SEMA6D: variants seen among roughly 807,000 people sequenced by gnomAD.
SEMA6D encodes semaphorin-6D.
SEMA6D carries 35 observed loss-of-function variants against 106.6 expected under a neutral mutation model. The observed-to-expected ratio is 0.33, with a 90% confidence interval of 0.25 to 0.44. SEMA6D has a LOEUF of 0.44. Among genes scored for constraint, SEMA6D ranks in the 20% least tolerant of loss-of-function variants. SEMA6D has a pLI of 1.00. For missense variants in SEMA6D, 1,185 were observed against 1,345.9 expected, an observed-to-expected ratio of 0.88 and a Z score of 1.87; for synonymous variants, 499 against 487.7, an observed-to-expected ratio of 1.02 and a Z score of -0.31.
intron 4 of SEMA6D, among the ~76,000 whole-genome samples, chr15:47,666,950 G>A (rs2078037606): frequency 6.6e-6 from 1 of 152,212 alleles, no homozygotes; most frequent in Admixed American, 6.5e-5. Context: ...ACATGGAGAG[G>A]CCACTCGTAG....
intron 3 of SEMA6D, among the ~76,000 whole-genome samples, chr15:47,558,563 G>A (rs1010440012): frequency 6.6e-6 from 1 of 151,942 alleles, no homozygotes; most frequent in Non-Finnish European, 1.5e-5. Context: ...GGGTGAAGAG[G>A]AATGTAAAAC....
chr15:47,272,117 C>T (rs1167027235), intron 1 of SEMA6D, among the ~76,000 whole-genome samples: 1 of 152,118 alleles, frequency 6.6e-6, no homozygotes, highest in Non-Finnish European at 1.5e-5. Flanking sequence ...TTTTAGGTGT[C>T]TGATGATGAG....
intron 1 of SEMA6D, among the ~76,000 whole-genome samples, chr15:47,217,078 C>T (rs1372469878): frequency 6.6e-6 from 1 of 152,162 alleles, no homozygotes; most frequent in South Asian, 2.1e-4. Context: ...AGGCCCTCAC[C>T]AGACCTGAAT....
At chr15:47,324,528 A>G (rs1345463776) in intron 1 of SEMA6D, among the ~76,000 whole-genome samples, 1 of 152,098 alleles carries the variant, frequency 6.6e-6, no homozygotes, top group Non-Finnish European at 1.5e-5. Flanking sequence ...TGTTATTGGT[A>G]AGTTCTAAGA....
At chr15:47,650,368 A>G (rs117182132) in intron 4 of SEMA6D, among the ~76,000 whole-genome samples, 1,608 of 152,354 alleles carry the variant, frequency 0.011, 18 homozygotes, top group South Asian at 0.045. Context: ...AGAAACCGCT[A>G]TAACTATGTG....
chr15:47,235,243 T>G (rs1158781330), intron 1 of SEMA6D, among the ~76,000 whole-genome samples: 1 of 152,088 alleles, frequency 6.6e-6, no homozygotes, highest in Non-Finnish European at 1.5e-5. Flanking sequence ...ATAACAGTCC[T>G]TTGTCAGATA....
intron 2 of SEMA6D, among the ~76,000 whole-genome samples, chr15:47,434,041 A>G (rs778862095): frequency 6.8e-4 from 104 of 152,154 alleles, no homozygotes; most frequent in Non-Finnish European, 1.3e-3. Flanking sequence ...GGCTAAAATC[A>G]TAAGTGGTGG....
chr15:47,318,361 T>C (rs12904045), intron 1 of SEMA6D, among the ~76,000 whole-genome samples: 126,035 of 127,866 alleles, frequency 0.99, 62,132 homozygotes, highest in Middle Eastern at 1. Context: ...TGGTGTGCTG[T>C]ACCCACTAAC....
intron 2 of SEMA6D, among the ~76,000 whole-genome samples, chr15:47,426,455 A>G (rs10467913): frequency 0.2 from 30,618 of 152,044 alleles, 3,384 homozygotes; most frequent in South Asian, 0.37. Context: ...ATTAGGATTA[A>G]TTGAATCACC....
intron 1 of SEMA6D, among the ~76,000 whole-genome samples, chr15:47,387,492 C>G (rs1329860332): frequency 6.6e-6 from 1 of 152,146 alleles, no homozygotes; most frequent in Non-Finnish European, 1.5e-5. Flanking sequence ...AACAATAATA[C>G]CAACTTCATG....
intron 3 of SEMA6D, among the ~76,000 whole-genome samples, chr15:47,528,530 G>A (rs917535853): frequency 1.3e-5 from 2 of 152,106 alleles, no homozygotes; most frequent in African/African-American, 4.8e-5. Flanking sequence ...TTAGAAGACT[G>A]GATTTTCAGC....
At chr15:47,692,974 A>G (rs980638186) in intron 4 of SEMA6D, among the ~76,000 whole-genome samples, 7 of 152,172 alleles carry the variant, frequency 4.6e-5, no homozygotes, top group Admixed American at 2.6e-4. Context: ...CCACCCTCAA[A>G]TATTTTCAGC....
intron 3 of SEMA6D, among the ~76,000 whole-genome samples, chr15:47,476,617 T>G (rs929602158): frequency 6.6e-6 from 1 of 152,010 alleles, no homozygotes; most frequent in African/African-American, 2.4e-5. Context: ...AGCCTAAAAT[T>G]GTTTAGAGAC....
chr15:47,428,133 T>C (rs2041404835), intron 2 of SEMA6D, among the ~76,000 whole-genome samples: 1 of 152,060 alleles, frequency 6.6e-6, no homozygotes, highest in African/African-American at 2.4e-5. Flanking sequence ...CAACAATATA[T>C]AGATAAATTT....
intron 1 of SEMA6D, chr15:47,730,728 G>C: frequency 5.6e-6 from 9 of 1,604,572 alleles, no homozygotes; most frequent in Non-Finnish European, 7.6e-6. Flanking sequence ...GCCGCTTATA[G>C]AGTATAGCTC....
chr15:47,335,160 G>A (rs1223110721), intron 1 of SEMA6D, among the ~76,000 whole-genome samples: 1 of 152,048 alleles, frequency 6.6e-6, no homozygotes, highest in Non-Finnish European at 1.5e-5. Context: ...AAACTAGAGG[G>A]TATAGTGTAA....
Position 47,254,875 on chromosome 15 carries a change from T to TTGTGTGTGTGTGTGTGTG in SEMA6D, c.-239+70481_-239+70498dup, listed in dbSNP as rs58271041. ...TCATCAGGGATATTGACCTGTGGTT[T>TTGTGTGTGTGTGTGTGTG]TGTGTGTGTGTGTGTGTGTGTGTGT... On this transcript the variant is annotated intron_variant, in intron 1 of 19. Coordinates refer to the SEMA6D transcript ENST00000558014. 6.6e-3 allele frequency among the ~76,000 whole-genome samples: 889 copies of TTGTGTGTGTGTGTGTGTG among 134,360 alleles called. 11 individuals are homozygous for TTGTGTGTGTGTGTGTGTG. The highest frequency in any genetic ancestry group is 0.02 in the Middle Eastern group (5 of 248). The allele number at this position is 134,360 out of a possible 152,430, so 88.1% of individuals were successfully genotyped here. A position where few individuals can be genotyped will look rare whatever the true frequency, so the allele number is the denominator to read the frequency against.
intron 2 of SEMA6D, among the ~76,000 whole-genome samples, chr15:47,453,988 A>C (rs1596036685): frequency 6.6e-6 from 1 of 151,908 alleles, no homozygotes; most frequent in Non-Finnish European, 1.5e-5. Context: ...CCACTGCTTC[A>C]TGAGACTAAA....
chr15:47,763,430 CG>C (rs2082169940), intron 9 of SEMA6D, among the ~76,000 whole-genome samples: 1 of 152,080 alleles, frequency 6.6e-6, no homozygotes. Flanking sequence ...TCTTTCTCAG[CG>C]TCAAAAGACA....
Sources: allele counts gnomAD v4.1 joint callset (sites outside exome capture counted in the v4.1 genomes callset), GRCh38; gene constraint gnomAD v4.1.1; transcripts MANE v1.5; gene names NCBI Gene and HGNC (gene_info 2026-07-23, HGNC 2026-07-21).